Variants in DYNC2H1 observed in about 807,000 individuals in gnomAD.
DYNC2H1 encodes the protein cytoplasmic dynein 2 heavy chain 1.
Under a neutral mutation model 570.0 loss-of-function variants are expected in DYNC2H1, and 410 were observed. The ratio of observed to expected loss-of-function variants is 0.72; its 90% CI spans 0.66 to 0.78. DYNC2H1 has a LOEUF of 0.78. DYNC2H1 is among the 30% of genes least tolerant of loss of function. The pLI, the probability that DYNC2H1 is intolerant of heterozygous loss-of-function variation, is 0.00. For synonymous variants in DYNC2H1, 1,688 were observed against 1,677.6 expected, an observed-to-expected ratio of 1.01 and a Z score of -0.15; for missense variants, 4,865 against 5,046.4, an observed-to-expected ratio of 0.96 and a Z score of 1.09.
intron 82 of DYNC2H1, among the ~76,000 whole-genome samples, chr11:103,357,078 CAA>C (rs1304435872): frequency 6.6e-6 from 1 of 151,936 alleles, no homozygotes; most frequent in African/African-American, 2.4e-5. Context: ...ATATGAAAAA[CAA>C]TATATACATC....
At chr11:103,459,711 G>C (rs61904793) in intron 87 of DYNC2H1, among the ~76,000 whole-genome samples, 24,588 of 151,632 alleles carry the variant, frequency 0.16, 2,148 homozygotes, top group Admixed American at 0.24. Context: ...CCAGCACTTT[G>C]GGAGGCCGAG....
chr11:103,272,944 A>G (rs887436647), intron 70 of DYNC2H1, among the ~76,000 whole-genome samples: 2 of 152,052 alleles, frequency 1.3e-5, no homozygotes, highest in African/African-American at 4.8e-5. Flanking sequence ...TTTAAACAAA[A>G]CTCAAGTATA....
At chr11:103,116,234 C>T (rs755282112) in intron 4 of DYNC2H1, among the ~76,000 whole-genome samples, 18 of 152,028 alleles carry the variant, frequency 1.2e-4, no homozygotes, top group East Asian at 3.9e-4. Flanking sequence ...TAAAGACATG[C>T]GAACTACAGT....
Position 103,280,309 on chromosome 11 carries a change from A to T in DYNC2H1, c.10696-39A>T, listed in dbSNP as rs1565458458. ...CGACTATGCTTTTCCAAAGACACAA[A>T]TTTTTAAAAGGCAAGATAATATCTG... On this transcript the variant is annotated intron_variant, in intron 70 of 88. Coordinates refer to ENST00000375735, the MANE Select transcript of DYNC2H1 (RefSeq NM_001377.3). This position sits in a 1 kb window ranked among gnomAD's most constrained non-coding sequence, Gnocchi z 4.7. 1.9e-6 allele frequency: 3 copies of T among 1,546,726 alleles called. No homozygotes were observed. The highest frequency in any genetic ancestry group is 2.6e-6 in the Non-Finnish European group (3 of 1,143,786).
chr11:103,436,157 C>A, intron 85 of DYNC2H1, 125 bp downstream of exon 85: 1 of 696,818 alleles, frequency 1.4e-6, no homozygotes, highest in Non-Finnish European at 2.2e-6. Context: ...ATCATATATT[C>A]ATTATTCTGC....
rs115778601 is a variant in DYNC2H1 at position 103,457,392 on chromosome 11, C to T, written c.12648+1036C>T. On this transcript the variant is annotated intron_variant, in intron 87 of 88. Coordinates refer to ENST00000375735, the MANE Select transcript of DYNC2H1 (RefSeq NM_001377.3). ...GTAACCATAGGAGATGACAGCTTCA[C>T]GCCTGTTACTGCCCCTAAAGACCTT... Among the ~76,000 whole-genome samples, 762 of 152,182 alleles carry T rather than the reference C, an allele frequency of 5.0e-3. 4 individuals carry two copies. The highest frequency in any genetic ancestry group is 0.018 in the African/African-American group (728 of 41,528).
In DYNC2H1 at chr11:103,166,708, T is replaced by A. The variant is rs182748620; in HGVS notation, c.4762+660T>A. ...AGTCATTTGAGTTGTTATTCTTCTA[T>A]AAGTAATACATTACTTTTTTTTTCT... On this transcript the variant is annotated intron_variant, in intron 31 of 88. Coordinates refer to ENST00000375735, the MANE Select transcript of DYNC2H1 (RefSeq NM_001377.3). Among the ~76,000 whole-genome samples, 22 of 152,286 alleles carry A rather than the reference T, an allele frequency of 1.4e-4. No individual in the cohort carries two copies. In the East Asian group the frequency reaches 3.8e-3, roughly 27 times the overall value.
chr11:103,186,641 A>G lies in DYNC2H1; in HGVS notation c.6893+140A>G, dbSNP rs1275102649. On this transcript the variant is annotated intron_variant, in intron 42 of 88. Transcript: ENST00000375735. This position sits in a 1 kb window ranked among gnomAD's most constrained non-coding sequence, Gnocchi z 4.5. ...AAGATTCATTTTATTTTCATTACTT[A>G]TAAAAATAAGAACTATGGGGAATAG... The G allele has an allele frequency of 1.6e-6, 2 of 1,232,178 alleles. No individual in the cohort carries two copies. The highest frequency in any genetic ancestry group is 1.7e-5 in the South Asian group (1 of 60,504). 76.3% of individuals were successfully genotyped at this position (1,232,178 alleles called of 1,614,324 possible). A position where few individuals can be genotyped will look rare whatever the true frequency, so the allele number is the denominator to read the frequency against.
chr11:103,380,579 G>C (rs903747176), intron 83 of DYNC2H1, among the ~76,000 whole-genome samples: 1 of 151,426 alleles, frequency 6.6e-6, no homozygotes, highest in African/African-American at 2.4e-5. Flanking sequence ...TTGTTTTTTT[G>C]AGATGGGGTC....
Position 103,163,374 on chromosome 11 carries a change from A to G in DYNC2H1, c.4611+227A>G, listed in dbSNP as rs1031001044. Among the ~76,000 whole-genome samples, 5 of 152,174 alleles carry G rather than the reference A, an allele frequency of 3.3e-5. No individual in the cohort carries two copies. Among genetic ancestry groups the G allele is most frequent in the African/African-American group, 1.2e-4 (5 of 41,452 alleles). ...TGGTGAGTAGGATGGGGAGGAGGGAATCAGGCATCTAATAGCTTCCTGGTT... is the reference window on the plus strand; with the variant it reads ...TGGTGAGTAGGATGGGGAGGAGGGAGTCAGGCATCTAATAGCTTCCTGGTT... On this transcript the variant is annotated intron_variant, in intron 30 of 88. Coordinates refer to ENST00000375735, the MANE Select transcript of DYNC2H1 (RefSeq NM_001377.3). This position sits in a 1 kb window ranked among gnomAD's most constrained non-coding sequence, Gnocchi z 4.6.
At chr11:103,125,578 G>A (rs1444902352) in intron 12 of DYNC2H1, among the ~76,000 whole-genome samples, 1 of 151,996 alleles carries the variant, frequency 6.6e-6, no homozygotes, top group Non-Finnish European at 1.5e-5. Flanking sequence ...GGTTTTAAAG[G>A]GCCTTCTAAT....
In DYNC2H1 at chr11:103,235,656, T is replaced by C. The variant is rs768626581; in HGVS notation, c.9568-16T>C. On this transcript the variant is annotated splice_polypyrimidine_tract_variant and intron_variant, in intron 61 of 88. Coordinates refer to ENST00000375735, the MANE Select transcript of DYNC2H1 (RefSeq NM_001377.3). ...TACTCATATATCTCCCTCTTTCTTC[T>C]CTCTCTTTTTTCCAGGTTGTAGAGA... 26 of 1,597,338 alleles carry C rather than the reference T, an allele frequency of 1.6e-5. No individual in the cohort carries two copies. The South Asian group carries it at 3.0e-4, about 18-fold the overall frequency.
chr11:103,399,957 A>C, intron 84 of DYNC2H1, 85 bp downstream of exon 84: 1 of 1,147,162 alleles, frequency 8.7e-7, no homozygotes, highest in Non-Finnish European at 1.2e-6. Flanking sequence ...GGAATCATAT[A>C]GTTAATAGCA....
chr11:103,232,308 A>T (rs1290738679), intron 60 of DYNC2H1, among the ~76,000 whole-genome samples: 1 of 151,932 alleles, frequency 6.6e-6, no homozygotes, highest in Non-Finnish European at 1.5e-5. Flanking sequence ...GCAGATTAGG[A>T]AGGTTAAAAT....
At chr11:103,231,594 T>C (rs1029324238) in intron 60 of DYNC2H1, among the ~76,000 whole-genome samples, 1 of 19,186 alleles carries the variant, frequency 5.2e-5, no homozygotes, top group African/African-American at 2.2e-4. Context: ...AGGATCATTT[T>C]TGAATATTAG....
chr11:103,236,850 A>G (rs935530608), intron 63 of DYNC2H1, among the ~76,000 whole-genome samples: 1 of 151,970 alleles, frequency 6.6e-6, no homozygotes, highest in African/African-American at 2.4e-5. Flanking sequence ...TTTCTTCATG[A>G]GTACAGACTA....
intron 82 of DYNC2H1, among the ~76,000 whole-genome samples, chr11:103,343,549 G>A (rs967228167): frequency 6.6e-6 from 1 of 152,110 alleles, no homozygotes; most frequent in African/African-American, 2.4e-5. Flanking sequence ...CAGGCAAGCA[G>A]GCCTAACAAA....
chr11:103,365,670 T>TA (rs1282000397), intron 83 of DYNC2H1, among the ~76,000 whole-genome samples: 1 of 152,208 alleles, frequency 6.6e-6, no homozygotes, highest in Non-Finnish European at 1.5e-5. Context: ...GCTAAGTAGA[T>TA]ATAGCACTAT....
chr11:103,472,061 A>G lies in DYNC2H1; in HGVS notation c.12765+3356A>G, dbSNP rs1945406629. Among the ~76,000 whole-genome samples the G allele has an allele frequency of 1.3e-5, 2 of 152,218 alleles. No homozygotes were observed. Among genetic ancestry groups the G allele is most frequent in the Non-Finnish European group, 2.9e-5 (2 of 68,032 alleles). ...CATATGTAAATATATGCAGATAGAA[A>G]AGAGCTTAGGATATTCTGGGAACAG... On this transcript the variant is annotated intron_variant, in intron 88 of 88. Transcript: ENST00000375735. The surrounding 1 kb of genome is among the most constrained non-coding windows in gnomAD (Gnocchi z 4.1).
Sources: gnomAD v4.1 joint callset for allele counts (sites outside exome capture counted in the v4.1 genomes callset) on GRCh38, gnomAD v4.1.1 for gene constraint, Gnocchi (gnomAD v3.1) non-coding constraint, MANE v1.5 for transcripts, NCBI Gene and HGNC (gene_info 2026-07-23, HGNC 2026-07-21) for gene names.